The following SYNE2 variants were observed in gnomAD, a reference collection of about 807,000 sequenced individuals.
The protein encoded by SYNE2 is spectrin repeat containing nuclear envelope protein 2, also known as nesprin-2.
A neutral mutation model predicts 856.3 loss-of-function variants in SYNE2; 431 were observed. The observed-to-expected ratio is 0.50, with a 90% CI of 0.47 to 0.55. The LOEUF is 0.55. Among genes scored for constraint, SYNE2 ranks in the 20% least tolerant of loss-of-function variants. SYNE2 has a pLI of 0.00. For missense variants in SYNE2, 8,129 were observed against 8,023.2 expected, an observed-to-expected ratio of 1.01 and a Z score of -0.50; for synonymous variants, 2,923 against 2,872.3, an observed-to-expected ratio of 1.02 and a Z score of -0.56.
rs1399687991 is a variant in SYNE2, at chr14:64,208,858, C to T, written c.18302C>T (p.Thr6101Ile). ...GACTCCGATGCCTGTGCAAATGAGA[C>T]CGAGTGTGACTCGATCCAGCAGACC... The part of the protein sequence containing the change: ...LHDSDACANE[T>I]ECDSIQQTTR... The change falls in exon 101 of 116, where the codon ACC becomes ATC. Residue 6101 changes from threonine (T) to isoleucine (I), a missense_variant. By Grantham distance (89) the Thr-to-Ile change is moderately conservative. Transcript: ENST00000555002. The T allele has an allele frequency of 3.1e-6, 5 of 1,614,080 alleles. No individual in the cohort carries two copies. In the South Asian group the frequency reaches 3.3e-5, roughly 11 times the overall value.
chr14:64,047,315 A>G (rs2097193280), intron 45 of SYNE2, among the ~76,000 whole-genome samples: 2 of 152,154 alleles, frequency 1.3e-5, no homozygotes, highest in South Asian at 4.1e-4. Context: ...GAATTACGCA[A>G]AAAAGGTTAA....
Position 63,924,832 on chromosome 14 carries a change from G to GTTTTTTTTTTTTTTTTTTTTT in SYNE2, c.79+15606_79+15607insTTTTTTTTTTTTTTTTTTTTT, listed in dbSNP as rs1491139905. ...TTTAACTTTTTTCCTTCCAGCCTTG[G>GTTTTTTTTTTTTTTTTTTTTT]TGTTTTTTTTTTTTTTTTTTTTTTT... On this transcript the variant is annotated intron_variant, in intron 2 of 115. Coordinates refer to ENST00000555002, the MANE Select transcript of SYNE2 (RefSeq NM_182914.3). Among the ~76,000 whole-genome samples, 244 of 92,856 alleles carry GTTTTTTTTTTTTTTTTTTTTT rather than the reference G, an allele frequency of 2.6e-3. 90 individuals carry two copies. The highest frequency in any genetic ancestry group is 7.2e-3 in the East Asian group (19 of 2,656). 60.9% of individuals were successfully genotyped at this position (92,856 alleles called of 152,430 possible).
At chr14:63,915,486 AT>A (rs1230106402) in intron 2 of SYNE2, among the ~76,000 whole-genome samples, 3 of 152,232 alleles carry the variant, frequency 2.0e-5, no homozygotes, top group Non-Finnish European at 2.9e-5. Context: ...GAAAAACAGC[AT>A]CCAGATACAG....
Position 64,216,393 on chromosome 14 carries a change from TCTTAA to T in SYNE2, c.19542+10_19542+14del, listed in dbSNP as rs779213088. 2 of 1,613,956 alleles carry T rather than the reference TCTTAA, an allele frequency of 1.2e-6. No homozygotes were observed. Among genetic ancestry groups the T allele is most frequent in the Admixed American group, 1.7e-5 (1 of 60,010 alleles). The stretch of plus-strand genomic sequence containing the variant: ...CCCCTTATAAACCACCCTATGTAAG[TCTTAA>T]CTTCACTGGGAGTACAGCCTATGTC... On this transcript the variant is annotated splice_region_variant and intron_variant, in intron 108 of 115. Transcript: ENST00000555002.
intron 83 of SYNE2, among the ~76,000 whole-genome samples, chr14:64,144,295 C>G (rs1394255893): frequency 6.6e-6 from 1 of 152,090 alleles, no homozygotes; most frequent in Non-Finnish European, 1.5e-5. Context: ...GCTATTTCAG[C>G]TTTGAAAAGG....
chr14:64,046,349 T>A (rs1446872952), intron 45 of SYNE2, among the ~76,000 whole-genome samples: 1 of 152,164 alleles, frequency 6.6e-6, no homozygotes, highest in African/African-American at 2.4e-5. Context: ...AATTTATCCT[T>A]TCTTTGTTTT....
At position 64,020,805 on chromosome 14, in the gene SYNE2, G is replaced by A. The variant is rs913581945; in HGVS notation, c.5152-510G>A. 4.6e-5 allele frequency among the ~76,000 whole-genome samples: 7 copies of A among 152,280 alleles called. No individual in the cohort carries two copies. In the East Asian group the frequency reaches 1.3e-3, roughly 29 times the overall value. ...TTTTCTTAGATCTAGGTACATAGTGGTTGAATATGAGTGCTGGAGTTAAGA... is the reference window on the plus strand; with the variant it reads ...TTTTCTTAGATCTAGGTACATAGTGATTGAATATGAGTGCTGGAGTTAAGA... On this transcript the variant is annotated intron_variant, in intron 35 of 115. Transcript: ENST00000555002.
intron 72 of SYNE2, 55 bp from the exon 73 acceptor site, chr14:64,126,543 T>A: frequency 6.2e-7 from 1 of 1,614,106 alleles, no homozygotes; most frequent in Non-Finnish European, 8.5e-7. Context: ...TAAGCCCACG[T>A]GGAAGCCTCT....
rs546869874 is a variant in SYNE2 at position 64,110,895 on chromosome 14, C to G, written c.12610-2446C>G. 6.4e-4 allele frequency among the ~76,000 whole-genome samples: 98 copies of G among 152,248 alleles called. No individual in the cohort carries two copies. In the South Asian group the frequency reaches 8.7e-3, roughly 14 times the overall value. On this transcript the variant is annotated intron_variant, in intron 65 of 115. Transcript: ENST00000555002. ...TCTAGTGGGTTCCTCAGGCCACCCT[C>G]AGCTCTTGAAGCTGTATGGTTGGAA... is the stretch of plus-strand genomic sequence containing the variant.
intron 3 of SYNE2, 61 bp downstream of exon 3, chr14:63,940,736 G>T (rs1164937377): frequency 1.5e-5 from 23 of 1,496,334 alleles, no homozygotes; most frequent in Non-Finnish European, 2.1e-5. Flanking sequence ...TACTCCTTCT[G>T]TTTTGACCCC....
intron 51 of SYNE2, among the ~76,000 whole-genome samples, 181 bp from the exon 52 acceptor site, chr14:64,070,464 T>A (rs1335967797): frequency 1.3e-5 from 2 of 152,220 alleles, no homozygotes; most frequent in African/African-American, 4.8e-5. Context: ...ACATGAGCAA[T>A]AGCTGGGCAT....
In SYNE2 at chr14:64,024,302, G is replaced by C. The variant is rs762482062; in HGVS notation, c.5683G>C (p.Asp1895His). The change falls in exon 39 of 116, where the codon GAC becomes CAC. Residue 1895 changes from aspartate (D) to histidine (H), a missense_variant. By Grantham distance (81) the Asp-to-His change is moderately conservative. This residue lies in a region of SYNE2 where 2,422 missense variants were observed against 2,357.4 expected (regional missense o/e 1.03). Coordinates refer to ENST00000555002, the MANE Select transcript of SYNE2 (RefSeq NM_182914.3). ...AAGAAACAGTAAAATAAAGCAGGTG[G>C]ACAGCGTACTGAAGCATGTGAAGAA... The part of the protein sequence containing the change: ...EGRNSKIKQV[D>H]SVLKHVKKHL... 4 of 1,613,964 alleles carry C rather than the reference G, an allele frequency of 2.5e-6. No individual in the cohort carries two copies. In the African/African-American group the frequency reaches 5.3e-5, roughly 22 times the overall value.
intron 94 of SYNE2, among the ~76,000 whole-genome samples, chr14:64,172,723 G>A (rs537599496): frequency 2.8e-4 from 42 of 152,186 alleles, no homozygotes; most frequent in African/African-American, 9.2e-4. Context: ...CTTGAGCCCA[G>A]TTTGAGACCA....
chr14:63,886,063 C>T (rs1486862519), intron 1 of SYNE2, among the ~76,000 whole-genome samples: 1 of 152,172 alleles, frequency 6.6e-6, no homozygotes, highest in African/African-American at 2.4e-5. Flanking sequence ...TTGAGCCCTA[C>T]CCCACCTGTG....
chr14:63,857,094 C>G (rs1264135270), intron 1 of SYNE2, among the ~76,000 whole-genome samples: 1 of 152,262 alleles, frequency 6.6e-6, no homozygotes, highest in South Asian at 2.1e-4. Context: ...AAGTTTTTGA[C>G]TTATGTATAG....
chr14:64,146,187 T>C lies in SYNE2; in HGVS notation c.15603T>C (p.Ser5201=). The C allele has an allele frequency of 6.2e-7, 1 of 1,612,674 alleles. No homozygotes were observed. ...ERLKTLQKPE[S]VISVQKLLLD... is the part of the protein sequence containing the mutation. ...TGAAAACTTTACAAAAACCTGAAAG[T>C]GTGATCTCAGTGCAGAAGCTGCTCC... Residue 5201 remains serine, a synonymous_variant, in exon 84 of 116, where the codon AGT becomes AGC. Coordinates refer to ENST00000555002, the MANE Select transcript of SYNE2 (RefSeq NM_182914.3).
chr14:63,972,464 A>G (rs940942869), intron 11 of SYNE2, among the ~76,000 whole-genome samples: 3 of 152,204 alleles, frequency 2.0e-5, no homozygotes, highest in Non-Finnish European at 4.4e-5. Flanking sequence ...AGACATTGCT[A>G]ATTTTAAAGT....
chr14:64,041,021 C>T (rs933452270), intron 45 of SYNE2, among the ~76,000 whole-genome samples: 2 of 152,032 alleles, frequency 1.3e-5, no homozygotes, highest in Non-Finnish European at 1.5e-5. Context: ...ATAAATTTCT[C>T]AACATGGAAA....
At chr14:63,879,241 G>GA (rs2094802058) in intron 1 of SYNE2, among the ~76,000 whole-genome samples, 1 of 152,204 alleles carries the variant, frequency 6.6e-6, no homozygotes, top group Admixed American at 6.5e-5. Flanking sequence ...TTTATCAGAA[G>GA]ATTGATTTAA....
Sources: allele counts gnomAD v4.1 joint callset (sites outside exome capture counted in the v4.1 genomes callset), GRCh38; gene constraint gnomAD v4.1.1; regional missense constraint gnomAD v4.1.1; transcripts MANE v1.5; gene names NCBI Gene and HGNC (gene_info 2026-07-23, HGNC 2026-07-21).